ZFHX3: variants seen among roughly 807,000 people sequenced by gnomAD.
ZFHX3 encodes zinc finger homeobox protein 3.
In ZFHX3, 42 loss-of-function variants were observed where a neutral mutation model predicts 279.1. That is an observed-to-expected ratio of 0.15 (90% CI 0.12 to 0.19). The LOEUF (loss-of-function observed/expected upper bound fraction) is 0.19. ZFHX3 is among the 10% of genes least tolerant of loss of function. ZFHX3 has a pLI of 1.00. For synonymous variants in ZFHX3, 2,293 were observed against 1,957.8 expected, an observed-to-expected ratio of 1.17 and a Z score of -4.52; for missense variants, 4,981 against 4,754.0, an observed-to-expected ratio of 1.05 and a Z score of -1.40.
chr16:72,892,356 C>T (rs1207788449), intron 3 of ZFHX3, among the ~76,000 whole-genome samples: 1 of 152,200 alleles, frequency 6.6e-6, no homozygotes, highest in East Asian at 1.9e-4. Flanking sequence ...CACTCATATG[C>T]AGCACCTTGG....
chr16:73,855,701 A>G (rs1176994726), intron 1 of ZFHX3, among the ~76,000 whole-genome samples: 4 of 152,228 alleles, frequency 2.6e-5, no homozygotes, highest in African/African-American at 9.6e-5. Context: ...CGTAGGACTT[A>G]AAGAACAAAA....
chr16:73,375,597 A>G (rs2016708880), intron 3 of ZFHX3, among the ~76,000 whole-genome samples: 2 of 152,216 alleles, frequency 1.3e-5, no homozygotes, highest in Admixed American at 6.5e-5. Context: ...AAAATACATT[A>G]TAAGTTTATA....
intron 5 of ZFHX3, among the ~76,000 whole-genome samples, chr16:73,164,168 T>G (rs189442024): frequency 7.2e-5 from 11 of 152,334 alleles, no homozygotes; most frequent in African/African-American, 2.6e-4. Flanking sequence ...TTTATTAATT[T>G]TTATACCAAT....
chr16:73,712,806 T>C (rs1273714202), intron 1 of ZFHX3, among the ~76,000 whole-genome samples: 4 of 152,232 alleles, frequency 2.6e-5, no homozygotes, highest in Non-Finnish European at 5.9e-5. Context: ...TAATCTTGGC[T>C]GCCCAGAAAA....
At position 72,959,368 on chromosome 16, in the gene ZFHX3, C is replaced by T. The variant is rs1176617559; in HGVS notation, c.778G>A (p.Val260Ile). Residue 260 changes from valine (V) to isoleucine (I), a missense_variant, in exon 2 of 10, where the codon GTT becomes ATT. Val to Ile is a conservative substitution (Grantham distance 29). Transcript: ENST00000268489. Reference protein sequence around the residue: ...SAKSSCVSKDVPNNVDLSKFD... With the variant: ...SAKSSCVSKDIPNNVDLSKFD... ...TTGGACAGGTCCACATTGTTGGGAA[C>T]ATCTTTGGATACGCAGGAGCTTTTG... 1.1e-5 allele frequency: 18 copies of T among 1,614,252 alleles called. No individual in the cohort carries two copies. Among genetic ancestry groups the T allele is most frequent in the Admixed American group, 1.7e-5 (1 of 60,032 alleles).
chr16:73,118,040 C>T (rs1052500012), intron 7 of ZFHX3, among the ~76,000 whole-genome samples: 3 of 152,186 alleles, frequency 2.0e-5, no homozygotes, highest in African/African-American at 4.8e-5. Flanking sequence ...CAAAATCACA[C>T]CAGAGGTAGT....
chr16:73,653,324 C>T (rs2052689511), intron 2 of ZFHX3, among the ~76,000 whole-genome samples: 1 of 152,154 alleles, frequency 6.6e-6, no homozygotes, highest in Admixed American at 6.5e-5. Flanking sequence ...TACAAAAATT[C>T]ACCATATGAT....
chr16:72,960,179 G>C lies in ZFHX3; in HGVS notation c.-34C>G. 1 of 1,517,472 alleles carries C rather than the reference G, an allele frequency of 6.6e-7. No individual in the cohort carries two copies. Among genetic ancestry groups the C allele is most frequent in the Non-Finnish European group, 8.8e-7 (1 of 1,131,162 alleles). The allele number at this position is 1,517,472 out of a possible 1,614,324, so 94.0% of individuals were successfully genotyped here. A position where few individuals can be genotyped will look rare whatever the true frequency, so the allele number is the denominator to read the frequency against. On this transcript the variant is annotated 5_prime_UTR_variant, in exon 2 of 10. An upstream open reading frame in the 5' UTR gains an earlier in-frame stop. Transcript: ENST00000268489. ...CTGCGTGGAGCTTTCATTGCACCCAGTACGGAGGCTCGGACCTGAAGGGCA... is the reference window on the plus strand; with the variant it reads ...CTGCGTGGAGCTTTCATTGCACCCACTACGGAGGCTCGGACCTGAAGGGCA...
At chr16:73,137,087 T>A (rs940988499) in intron 6 of ZFHX3, among the ~76,000 whole-genome samples, 3 of 152,268 alleles carry the variant, frequency 2.0e-5, no homozygotes, top group Middle Eastern at 3.4e-3. Flanking sequence ...GCCTTCTAAA[T>A]ATAAAATCAC....
At chr16:72,927,764 A>G (rs1464812437) in intron 3 of ZFHX3, among the ~76,000 whole-genome samples, 1 of 151,988 alleles carries the variant, frequency 6.6e-6, no homozygotes, top group African/African-American at 2.4e-5. Context: ...CTCCCCCACC[A>G]AAAACCCTGA....
At chr16:73,139,732 T>C (rs1966841517) in intron 6 of ZFHX3, among the ~76,000 whole-genome samples, 1 of 152,242 alleles carries the variant, frequency 6.6e-6, no homozygotes, top group African/African-American at 2.4e-5. Context: ...ATCTTTTCCA[T>C]TGAATCTTTA....
At chr16:73,551,267 A>T (rs1243661032) in intron 2 of ZFHX3, among the ~76,000 whole-genome samples, 4 of 152,184 alleles carry the variant, frequency 2.6e-5, no homozygotes, top group Admixed American at 6.6e-5. Context: ...TGGCCCCCAC[A>T]CTCAAAAACT....
At chr16:72,987,841 T>C (rs1259758903) in intron 1 of ZFHX3, among the ~76,000 whole-genome samples, 1 of 152,076 alleles carries the variant, frequency 6.6e-6, no homozygotes, top group African/African-American at 2.4e-5. Context: ...AGGACTGCCT[T>C]TCATGAATCA....
chr16:73,149,873 G>C (rs1220675290), intron 5 of ZFHX3, among the ~76,000 whole-genome samples: 1 of 152,162 alleles, frequency 6.6e-6, no homozygotes, highest in Non-Finnish European at 1.5e-5. Context: ...GTGCAGGCAG[G>C]TGTGTCTGGA....
intron 3 of ZFHX3, among the ~76,000 whole-genome samples, chr16:73,430,330 C>A (rs1257317677): frequency 6.6e-6 from 1 of 152,184 alleles, no homozygotes; most frequent in African/African-American, 2.4e-5. Flanking sequence ...TTGCATCAGA[C>A]ATACTTAAAC....
intron 4 of ZFHX3, among the ~76,000 whole-genome samples, chr16:72,854,893 A>G (rs2037713831): frequency 7.0e-6 from 1 of 142,740 alleles, no homozygotes; most frequent in Non-Finnish European, 1.5e-5. Context: ...GGAAAGAAAA[A>G]AAAAATCAAC....
At chr16:73,573,582 C>A (rs776714774) in intron 2 of ZFHX3, among the ~76,000 whole-genome samples, 1 of 152,182 alleles carries the variant, frequency 6.6e-6, no homozygotes, top group Non-Finnish European at 1.5e-5. Flanking sequence ...GCGTTACAGT[C>A]GTGGTTCATA....
chr16:73,566,183 G>C lies in ZFHX3; in HGVS notation c.-1546-109925C>G, dbSNP rs1409435240. On this transcript the variant is annotated intron_variant, in intron 2 of 17. Coordinates refer to the ZFHX3 transcript ENST00000641206. The stretch of plus-strand genomic sequence containing the variant: ...GGGCAGGAAGGCCCTGGTCCCACCA[G>C]TGCCTTCATAGCCATGTGTCATATA... Among the ~76,000 whole-genome samples, 3 of 152,340 alleles carry C rather than the reference G, an allele frequency of 2.0e-5. No homozygotes were observed. In the East Asian group the frequency reaches 5.8e-4, roughly 29 times the overall value.
intron 5 of ZFHX3, among the ~76,000 whole-genome samples, chr16:73,233,576 C>T (rs772921352): frequency 5.9e-5 from 9 of 152,136 alleles, no homozygotes; most frequent in Non-Finnish European, 1.2e-4. Context: ...ACGTGCCAGG[C>T]GATCGTCTGC....
Sources: gnomAD v4.1 joint callset for allele counts (sites outside exome capture counted in the v4.1 genomes callset) on GRCh38, gnomAD v4.1.1 for gene constraint, MANE v1.5 for transcripts, NCBI Gene and HGNC (gene_info 2026-07-23, HGNC 2026-07-21) for gene names.